PDE1C: variants seen among roughly 807,000 people sequenced by gnomAD.
The protein encoded by PDE1C is phosphodiesterase 1C, also known as dual specificity calcium/calmodulin-dependent 3',5'-cyclic nucleotide phosphodiesterase 1C.
Under a neutral mutation model 93.1 loss-of-function variants are expected in PDE1C, and 62 were observed. The ratio of observed to expected loss-of-function variants is 0.67; its 90% CI spans 0.54 to 0.82. The LOEUF (loss-of-function observed/expected upper bound fraction) is 0.82. Ranked by LOEUF, PDE1C falls within the 40% of genes least tolerant of loss-of-function variation. The probability of loss-of-function intolerance (pLI) is 0.00; values close to 1 mark genes in which losing one functional copy is unlikely to be tolerated. For synonymous variants in PDE1C, 325 were observed against 310.1 expected, an observed-to-expected ratio of 1.05 and a Z score of -0.50; for missense variants, 742 against 884.6, an observed-to-expected ratio of 0.84 and a Z score of 2.04.
chr7:32,041,637 AGAGTTATGTATTCAT>A (rs1409909167), intron 2 of PDE1C, among the ~76,000 whole-genome samples: 9 of 152,220 alleles, frequency 5.9e-5, no homozygotes, highest in African/African-American at 2.2e-4. Context: ...TTATGCATAA[AGAGTTATGTATTCAT>A]GTATGACTGA....
intron 2 of PDE1C, among the ~76,000 whole-genome samples, chr7:32,000,040 T>C (rs1246749639): frequency 6.6e-6 from 1 of 152,178 alleles, no homozygotes; most frequent in African/African-American, 2.4e-5. Flanking sequence ...TCAGCCCCTC[T>C]GAGCTCCCAT....
intron 16 of PDE1C, among the ~76,000 whole-genome samples, chr7:31,794,230 A>G (rs571942139): frequency 1.3e-5 from 2 of 152,080 alleles, no homozygotes; most frequent in South Asian, 4.2e-4. Flanking sequence ...CATTTGATCC[A>G]AACACACAGA....
intron 1 of PDE1C, among the ~76,000 whole-genome samples, chr7:32,399,233 T>C (rs1450917472): frequency 6.6e-6 from 1 of 152,182 alleles, no homozygotes; most frequent in Non-Finnish European, 1.5e-5. Flanking sequence ...CCATGTTGGA[T>C]TGCATTCTTA....
chr7:32,117,203 G>A (rs1196141709), intron 3 of PDE1C, among the ~76,000 whole-genome samples: 1 of 152,062 alleles, frequency 6.6e-6, no homozygotes, highest in African/African-American at 2.4e-5. Flanking sequence ...TGTTTTAAAG[G>A]TCAAAAGGAA....
the PDE1C span, among the ~76,000 whole-genome samples, chr7:31,726,262 T>C: frequency 1.3e-5 from 2 of 152,144 alleles, no homozygotes; most frequent in Non-Finnish European, 2.9e-5. Context: ...GATGGGGTCT[T>C]GGTATGTTGC....
chr7:32,201,590 T>G (rs1805017534), intron 2 of PDE1C, among the ~76,000 whole-genome samples: 1 of 152,016 alleles, frequency 6.6e-6, no homozygotes, highest in African/African-American at 2.4e-5. Context: ...GCAAGAGAGA[T>G]AGTCAAGTGG....
the PDE1C span, chr7:31,653,021 G>A: frequency 5.1e-6 from 7 of 1,370,252 alleles, no homozygotes; most frequent in Non-Finnish European, 6.7e-6. Flanking sequence ...GAATAACTGA[G>A]CACCTAGTAT....
chr7:31,764,618 G>A (rs1457066926), intron 17 of PDE1C, among the ~76,000 whole-genome samples: 1 of 152,180 alleles, frequency 6.6e-6, no homozygotes, highest in Admixed American at 6.5e-5. Context: ...GACACGTTGC[G>A]TTTATTATGC....
downstream of PDE1C, among the ~76,000 whole-genome samples, chr7:31,749,018 A>T (rs563668454): frequency 6.6e-6 from 1 of 152,326 alleles, no homozygotes; most frequent in Non-Finnish European, 1.5e-5. Flanking sequence ...GACTTAAAAA[A>T]TAGTGGCTAT....
At chr7:32,421,952 G>A (rs1275529046) in intron 1 of PDE1C, among the ~76,000 whole-genome samples, 1 of 152,164 alleles carries the variant, frequency 6.6e-6, no homozygotes, top group East Asian at 1.9e-4. Flanking sequence ...GACTTTGAAA[G>A]CAATGAATCC....
intron 2 of PDE1C, among the ~76,000 whole-genome samples, chr7:31,917,160 T>C (rs1009055473): frequency 2.0e-5 from 3 of 152,156 alleles, no homozygotes; most frequent in Non-Finnish European, 4.4e-5. Context: ...GTCCCAATCC[T>C]GACTCCATCC....
chr7:31,952,195 A>C (rs539413377), intron 2 of PDE1C, among the ~76,000 whole-genome samples: 1 of 152,144 alleles, frequency 6.6e-6, no homozygotes, highest in Non-Finnish European at 1.5e-5. Context: ...CCACTTGCCT[A>C]AGTATAAATT....
intron 1 of PDE1C, among the ~76,000 whole-genome samples, chr7:32,252,115 C>G (rs1019552877): frequency 2.0e-5 from 3 of 152,222 alleles, no homozygotes; most frequent in Non-Finnish European, 4.4e-5. Flanking sequence ...TTGTATATTA[C>G]AAGATCACTT....
the PDE1C span, among the ~76,000 whole-genome samples, chr7:31,631,424 C>T: frequency 6.6e-6 from 1 of 152,158 alleles, no homozygotes; most frequent in Non-Finnish European, 1.5e-5. Flanking sequence ...ACAAAATGCC[C>T]TAAATACATA....
the PDE1C span, among the ~76,000 whole-genome samples, chr7:31,637,369 C>CCT: frequency 6.6e-6 from 1 of 152,046 alleles, no homozygotes; most frequent in African/African-American, 2.4e-5. Flanking sequence ...TAAAAGTGTT[C>CCT]CTATTTCTCC....
chr7:32,329,866 G>A (rs934184769), intron 1 of PDE1C, among the ~76,000 whole-genome samples: 2 of 152,214 alleles, frequency 1.3e-5, no homozygotes, highest in Non-Finnish European at 2.9e-5. Flanking sequence ...CCGGTGGAAA[G>A]GAACTCGAGA....
intron 1 of PDE1C, among the ~76,000 whole-genome samples, chr7:32,305,152 A>C (rs544460245): frequency 6.6e-6 from 1 of 152,158 alleles, no homozygotes; most frequent in African/African-American, 2.4e-5. Context: ...TCTTCCATTC[A>C]TAAGACCCAG....
intron 17 of PDE1C, among the ~76,000 whole-genome samples, chr7:31,762,548 C>T (rs1435114965): frequency 6.6e-6 from 1 of 152,088 alleles, no homozygotes; most frequent in African/African-American, 2.4e-5. Context: ...CCATGGTGGC[C>T]AGAGTGGTCT....
chr7:31,670,659 G>A, the PDE1C span, among the ~76,000 whole-genome samples: 148 of 152,314 alleles, frequency 9.7e-4, 1 homozygote, highest in African/African-American at 3.4e-3. Context: ...CTGTCTTACT[G>A]ATAGAGACAG....
Sources: gnomAD v4.1 joint callset for allele counts (sites outside exome capture counted in the v4.1 genomes callset) on GRCh38, gnomAD v4.1.1 for gene constraint, MANE v1.5 for transcripts, NCBI Gene and HGNC (gene_info 2026-07-23, HGNC 2026-07-21) for gene names.